Variants in CFAP61 observed in about 807,000 individuals in gnomAD.
The protein encoded by CFAP61 is cilia- and flagella-associated protein 61.
CFAP61 carries 107 observed loss-of-function variants against 135.6 expected under a neutral mutation model. That is an observed-to-expected ratio of 0.79 (90% CI 0.67 to 0.93). CFAP61 has a LOEUF of 0.93. Among genes scored for constraint, CFAP61 ranks in the 40% least tolerant of loss-of-function variants. The pLI is 0.00. For missense variants in CFAP61, 1,507 were observed against 1,556.2 expected (o/e 0.97, Z 0.53); for synonymous variants, 575 against 578.5 (o/e 0.99, Z 0.09).
rs1327534587 is a variant in CFAP61 at position 20,122,348 on chromosome 20, G to T, written c.860-20509G>T. Among the ~76,000 whole-genome samples, 3 of 152,088 alleles carry T rather than the reference G, an allele frequency of 2.0e-5. No individual in the cohort carries two copies. In the East Asian group the frequency reaches 5.8e-4, roughly 29 times the overall value. The stretch of plus-strand genomic sequence containing the variant: ...TTTTTGTATTTTTTAGCAGAGATGG[G>T]GTTTCACCATATTGGCCAGGCTGGT... On this transcript the variant is annotated intron_variant, in intron 8 of 26. Coordinates refer to ENST00000245957, the MANE Select transcript of CFAP61 (RefSeq NM_015585.4).
At chr20:20,296,165 C>A (rs1310662245) in intron 24 of CFAP61, among the ~76,000 whole-genome samples, 12 of 61,820 alleles carry the variant, frequency 1.9e-4, no homozygotes, top group Non-Finnish European at 2.8e-4. Flanking sequence ...CTCCTTCATT[C>A]CTTCCTTCCC....
intron 21 of CFAP61, among the ~76,000 whole-genome samples, chr20:20,273,106 C>G (rs1407188488): frequency 6.8e-6 from 1 of 146,088 alleles, no homozygotes; most frequent in Non-Finnish European, 1.5e-5. Context: ...GCCTCGAACT[C>G]CTGGCCTCAA....
intron 9 of CFAP61, 95 bp from the exon 10 acceptor site, chr20:20,159,275 C>A (rs2053203267): frequency 3.6e-6 from 4 of 1,125,216 alleles, no homozygotes; most frequent in African/African-American, 1.6e-5. Flanking sequence ...AGCTGTAGAG[C>A]CAGGGTCTGA....
intron 18 of CFAP61, among the ~76,000 whole-genome samples, chr20:20,240,982 CAT>C (rs1183279161): frequency 2.0e-5 from 3 of 152,164 alleles, no homozygotes; most frequent in African/African-American, 7.2e-5. Flanking sequence ...AGAAGCAGGT[CAT>C]GGGCCCAGCT....
At chr20:20,339,254 T>G (rs2122359496) in intron 25 of CFAP61, among the ~76,000 whole-genome samples, 1 of 152,230 alleles carries the variant, frequency 6.6e-6, no homozygotes, top group Non-Finnish European at 1.5e-5. Context: ...ATTTTTTATT[T>G]TTAAAATTCA....
chr20:20,228,272 A>C lies in CFAP61; in HGVS notation c.1956A>C (p.Thr652=). The change falls in exon 18 of 27, where the codon ACA becomes ACC. Residue 652 remains threonine, a synonymous_variant. Coordinates refer to ENST00000245957, the MANE Select transcript of CFAP61 (RefSeq NM_015585.4). The part of the protein sequence containing the change: ...KDPMSYALNH[T]NRKLTLEPKI... ...AGATGAGTTATGCTTTAAACCATAC[A>C]AACAGAAAACTAACATTGGAACCTA... 6.2e-7 allele frequency: 1 copy of C among 1,611,102 alleles called. No individual in the cohort carries two copies. Among genetic ancestry groups the C allele is most frequent in the Non-Finnish European group, 8.5e-7 (1 of 1,177,574 alleles).
At chr20:20,295,897 G>C (rs1000479599) in intron 24 of CFAP61, among the ~76,000 whole-genome samples, 1 of 151,354 alleles carries the variant, frequency 6.6e-6, no homozygotes, top group East Asian at 2.0e-4. Flanking sequence ...GAGCAGAGGA[G>C]ACCAGGCCCC....
Position 20,290,110 on chromosome 20 carries a change from T to G in CFAP61, c.3125-190T>G, listed in dbSNP as rs539322386. On this transcript the variant is annotated intron_variant, in intron 23 of 26. Transcript: ENST00000245957. ...CTACATTATGGGATATCATATCACA[T>G]TCACATCAATTTGGTTAAATAAACG... Among the ~76,000 whole-genome samples, 9 of 152,308 alleles carry G rather than the reference T, an allele frequency of 5.9e-5. No individual in the cohort carries two copies. In the South Asian group the frequency reaches 1.9e-3, roughly 32 times the overall value.
intron 14 of CFAP61, among the ~76,000 whole-genome samples, chr20:20,188,719 T>G (rs536515973): frequency 6.6e-6 from 1 of 152,348 alleles, no homozygotes; most frequent in African/African-American, 2.4e-5. Flanking sequence ...ATAGTCACTT[T>G]TTTGATACAT....
intron 25 of CFAP61, among the ~76,000 whole-genome samples, 193 bp downstream of exon 25, chr20:20,298,579 G>C (rs1284379773): frequency 6.6e-6 from 1 of 152,204 alleles, no homozygotes; most frequent in African/African-American, 2.4e-5. Flanking sequence ...CACAGGATGT[G>C]TCCACACCTG....
chr20:20,096,156 A>T (rs1467686459), intron 7 of CFAP61, among the ~76,000 whole-genome samples: 2 of 150,536 alleles, frequency 1.3e-5, no homozygotes, highest in South Asian at 4.2e-4. Context: ...CATTAAATCC[A>T]TTTTTTTTTC....
intron 7 of CFAP61, among the ~76,000 whole-genome samples, chr20:20,098,089 A>T (rs1374063842): frequency 6.6e-6 from 1 of 152,168 alleles, no homozygotes; most frequent in Non-Finnish European, 1.5e-5. Flanking sequence ...CAAGTGTTCC[A>T]ATGGTTGAAG....
chr20:20,266,231 T>C (rs1000812231), intron 21 of CFAP61, among the ~76,000 whole-genome samples: 1 of 152,212 alleles, frequency 6.6e-6, no homozygotes, highest in Non-Finnish European at 1.5e-5. Context: ...ACTGAGACTT[T>C]GGGTATATGA....
At chr20:20,191,113 C>T (rs1409598785) in intron 14 of CFAP61, among the ~76,000 whole-genome samples, 1 of 151,302 alleles carries the variant, frequency 6.6e-6, no homozygotes, top group Non-Finnish European at 1.5e-5. Flanking sequence ...AACTCCATCT[C>T]AAAAAAAATA....
At chr20:20,288,032 C>T (rs1360033861) in intron 22 of CFAP61, among the ~76,000 whole-genome samples, 1 of 152,064 alleles carries the variant, frequency 6.6e-6, no homozygotes, top group Admixed American at 6.6e-5. Context: ...GACTCTGTGT[C>T]GTATGAGAGC....
chr20:20,171,111 A>T (rs2054187160), intron 13 of CFAP61, among the ~76,000 whole-genome samples: 1 of 152,170 alleles, frequency 6.6e-6, no homozygotes, highest in Non-Finnish European at 1.5e-5. Flanking sequence ...GAGCCAACTC[A>T]TGACCACCCC....
At chr20:20,344,194 A>G (rs2058552090) in intron 26 of CFAP61, among the ~76,000 whole-genome samples, 1 of 152,194 alleles carries the variant, frequency 6.6e-6, no homozygotes, top group Non-Finnish European at 1.5e-5. Context: ...AGACCCTCCC[A>G]TTCCTGCAGA....
chr20:20,336,352 A>C (rs921003665), intron 25 of CFAP61, among the ~76,000 whole-genome samples: 2 of 152,166 alleles, frequency 1.3e-5, no homozygotes, highest in Non-Finnish European at 2.9e-5. Flanking sequence ...ATGTAAAGAA[A>C]ATTTTGGGCC....
chr20:20,223,725 T>C (rs917332938), intron 17 of CFAP61, among the ~76,000 whole-genome samples: 7 of 152,146 alleles, frequency 4.6e-5, no homozygotes, highest in Non-Finnish European at 1.0e-4. Context: ...TTTTGACCAA[T>C]TTTTTTCTAT....
Sources: allele counts gnomAD v4.1 joint callset (sites outside exome capture counted in the v4.1 genomes callset), GRCh38; gene constraint gnomAD v4.1.1; transcripts MANE v1.5; gene names NCBI Gene and HGNC (gene_info 2026-07-23, HGNC 2026-07-21).